The following RAPGEF1 variants were observed in gnomAD, a reference collection of about 807,000 sequenced individuals.
The protein encoded by RAPGEF1 is CRK SH3-binding GNRP.
RAPGEF1 carries 33 observed loss-of-function variants against 143.3 expected under a neutral mutation model. The observed-to-expected ratio is 0.23, with a 90% CI of 0.17 to 0.31. RAPGEF1 has a LOEUF of 0.31. RAPGEF1 is among the 10% of genes least tolerant of loss of function. The pLI, the probability that RAPGEF1 is intolerant of heterozygous loss-of-function variation, is 1.00. For missense variants in RAPGEF1, 1,199 were observed against 1,645.4 expected, an observed-to-expected ratio of 0.73 and a Z score of 4.69; for synonymous variants, 629 against 676.5, an observed-to-expected ratio of 0.93 and a Z score of 1.09.
chr9:131,709,529 C>G, intron 1 of RAPGEF1: 1 of 1,212,590 alleles, frequency 8.2e-7, no homozygotes, highest in Non-Finnish European at 1.2e-6. Flanking sequence ...AAGGTGATTC[C>G]CCAGGCACTT....
intron 15 of RAPGEF1, 76 bp from the exon 16 acceptor site, chr9:131,598,386 G>T (rs550165262): frequency 1.5e-6 from 2 of 1,294,278 alleles, no homozygotes; most frequent in Non-Finnish European, 1.1e-6. Flanking sequence ...AGGCAGTGCC[G>T]GTGTGCACGG....
chr9:131,638,539 T>G (rs1379420326), intron 5 of RAPGEF1, 96 bp downstream of exon 5: 2 of 1,360,942 alleles, frequency 1.5e-6, no homozygotes, highest in Non-Finnish European at 1.0e-6. Flanking sequence ...GACATTCTAA[T>G]GTTTGAAGGT....
intron 1 of RAPGEF1, among the ~76,000 whole-genome samples, chr9:131,664,439 A>G (rs183235040): frequency 1.3e-5 from 2 of 152,190 alleles, no homozygotes; most frequent in Non-Finnish European, 2.9e-5. Context: ...ATTAAATATG[A>G]GTGTGTATAT....
chr9:131,586,952 C>T (rs1368556263), intron 22 of RAPGEF1, among the ~76,000 whole-genome samples: 1 of 66,864 alleles, frequency 1.5e-5, no homozygotes, highest in Non-Finnish European at 2.7e-5. Flanking sequence ...ACCTGCAGAG[C>T]GAGACTCCGT....
Position 131,628,504 on chromosome 9 carries a change from C to G in RAPGEF1, c.1017+45G>C, listed in dbSNP as rs774603948. On this transcript the variant is annotated intron_variant, in intron 8 of 26. Coordinates refer to ENST00000683357, the MANE Select transcript of RAPGEF1 (RefSeq NM_001377935.1). This position sits in a 1 kb window ranked among gnomAD's most constrained non-coding sequence, Gnocchi z 5.7. ...TCAGGAGCCACATCCCTGAGCCCCC[C>G]ACCCCCTCCCTGCCTTCCCATGCAG... The G allele has an allele frequency of 6.2e-7, 1 of 1,600,442 alleles. No individual in the cohort carries two copies. Among genetic ancestry groups the G allele is most frequent in the Non-Finnish European group, 8.5e-7 (1 of 1,170,704 alleles).
chr9:131,619,320 C>T (rs1465397438), intron 11 of RAPGEF1, 114 bp from the exon 12 acceptor site: 23 of 953,702 alleles, frequency 2.4e-5, no homozygotes, highest in Middle Eastern at 3.5e-4. Flanking sequence ...CTCTAACAGA[C>T]GTTCTGGAGA....
Position 131,628,526 on chromosome 9 carries a change from G to A in RAPGEF1, c.1017+23C>T, listed in dbSNP as rs1286543916. On this transcript the variant is annotated intron_variant, in intron 8 of 26. Coordinates refer to ENST00000683357, the MANE Select transcript of RAPGEF1 (RefSeq NM_001377935.1). The surrounding 1 kb of genome is among the most constrained non-coding windows in gnomAD (Gnocchi z 5.7). The stretch of plus-strand genomic sequence containing the variant: ...CCCCACCCCCTCCCTGCCTTCCCAT[G>A]CAGGGAACAGGGGCTGCATTACCTG... 6.2e-7 allele frequency: 1 copy of A among 1,605,742 alleles called. No individual in the cohort carries two copies. Among genetic ancestry groups the A allele is most frequent in the Non-Finnish European group, 8.5e-7 (1 of 1,173,596 alleles).
chr9:131,642,180 C>CT (rs1173297455), intron 4 of RAPGEF1, among the ~76,000 whole-genome samples: 7 of 152,316 alleles, frequency 4.6e-5, no homozygotes, highest in African/African-American at 1.7e-4. Context: ...AAGCTGCTAG[C>CT]TAACCTTTAA....
chr9:131,620,932 G>C (rs1960769813), intron 11 of RAPGEF1, among the ~76,000 whole-genome samples: 1 of 152,234 alleles, frequency 6.6e-6, no homozygotes, highest in Admixed American at 6.5e-5. Flanking sequence ...AGACTGGCCA[G>C]CACACGAGAG....
Position 131,579,463 on chromosome 9 carries a change from C to G in RAPGEF1, c.*34G>C. On this transcript the variant is annotated 3_prime_UTR_variant, in exon 27 of 27. Transcript: ENST00000683357. Reference sequence around the variant, plus strand: ...CGGTCTGGGAGCTGCCCTCTGCGCCCCTCGAGCATTCTCCTGGATCCCGGC... The same window carrying G: ...CGGTCTGGGAGCTGCCCTCTGCGCCGCTCGAGCATTCTCCTGGATCCCGGC... 2 of 1,609,598 alleles carry G rather than the reference C, an allele frequency of 1.2e-6. No individual in the cohort carries two copies. The highest frequency in any genetic ancestry group is 1.7e-6 in the Non-Finnish European group (2 of 1,177,342).
chr9:131,627,808 G>T, intron 9 of RAPGEF1, 105 bp downstream of exon 9: 1 of 1,232,852 alleles, frequency 8.1e-7, no homozygotes, highest in Non-Finnish European at 1.1e-6. Flanking sequence ...GTCAGCCAAA[G>T]CCACGTAGTC....
At chr9:131,732,568 G>A (rs893554749) in intron 1 of RAPGEF1, among the ~76,000 whole-genome samples, 1 of 152,174 alleles carries the variant, frequency 6.6e-6, no homozygotes, top group African/African-American at 2.4e-5. Context: ...TGGTGTTCTG[G>A]GAATTTGATC....
Position 131,621,160 on chromosome 9 carries a change from G to A in RAPGEF1, c.1905+636C>T, listed in dbSNP as rs1166800525. Reference sequence around the variant, plus strand: ...CCTGGGCAGTTCCAGAGCCTCATGGGGTGCCCACGGTGGAACAGCTTGCCT... The same window carrying A: ...CCTGGGCAGTTCCAGAGCCTCATGGAGTGCCCACGGTGGAACAGCTTGCCT... On this transcript the variant is annotated intron_variant, in intron 11 of 26. Transcript: ENST00000683357. This position sits in a 1 kb window ranked among gnomAD's most constrained non-coding sequence, Gnocchi z 4.5. Among the ~76,000 whole-genome samples, 1 of 152,250 alleles carries A rather than the reference G, an allele frequency of 6.6e-6. No individual in the cohort carries two copies. Among genetic ancestry groups the A allele is most frequent in the East Asian group, 1.9e-4 (1 of 5,202 alleles).
intron 1 of RAPGEF1, among the ~76,000 whole-genome samples, chr9:131,682,924 A>G (rs1473704139): frequency 6.6e-6 from 1 of 152,222 alleles, no homozygotes; most frequent in East Asian, 1.9e-4. Context: ...AGCCGCTGAA[A>G]TATATCAAAG....
intron 1 of RAPGEF1, 64 bp downstream of exon 1, chr9:131,739,706 G>C (rs1274860661): frequency 2.0e-6 from 2 of 1,023,608 alleles, no homozygotes; most frequent in African/African-American, 3.5e-5. Flanking sequence ...CGCTCGGCCC[G>C]GGGAGCGGCG....
intron 1 of RAPGEF1, among the ~76,000 whole-genome samples, chr9:131,709,251 G>A (rs945393256): frequency 6.6e-6 from 1 of 152,188 alleles, no homozygotes; most frequent in African/African-American, 2.4e-5. Flanking sequence ...GGAGGCTGAG[G>A]CAGAGAATTG....
intron 1 of RAPGEF1, among the ~76,000 whole-genome samples, chr9:131,735,749 G>C (rs1383772796): frequency 6.6e-6 from 1 of 152,210 alleles, no homozygotes; most frequent in African/African-American, 2.4e-5. Flanking sequence ...CTCTGTGGGA[G>C]TGTCCGCCAC....
At chr9:131,679,335 T>C (rs535515978) in intron 1 of RAPGEF1, among the ~76,000 whole-genome samples, 11 of 152,242 alleles carry the variant, frequency 7.2e-5, no homozygotes, top group Admixed American at 5.2e-4. Context: ...GGGATGCCCC[T>C]CTCTTCCACT....
Position 131,642,840 on chromosome 9 carries a change from T to A in RAPGEF1, c.494+399A>T, listed in dbSNP as rs143509357. Among the ~76,000 whole-genome samples, 196 of 152,356 alleles carry A rather than the reference T, an allele frequency of 1.3e-3. 1 individual carries two copies. Among genetic ancestry groups the A allele is most frequent in the African/African-American group, 4.0e-3 (165 of 41,580 alleles). ...GCTGGTGCTCTTCAGTCTGGGCCTC[T>A]GGCGATGAGTGGAAACAGTAGCTTC... On this transcript the variant is annotated intron_variant, in intron 4 of 26. Transcript: ENST00000683357.
Sources: gnomAD v4.1 joint callset for allele counts (sites outside exome capture counted in the v4.1 genomes callset) on GRCh38, gnomAD v4.1.1 for gene constraint, Gnocchi (gnomAD v3.1) non-coding constraint, MANE v1.5 for transcripts, NCBI Gene and HGNC (gene_info 2026-07-23, HGNC 2026-07-21) for gene names.